EFCAB5: variants seen among roughly 807,000 people sequenced by gnomAD.
EFCAB5 encodes the protein EF-hand calcium-binding domain-containing protein 5.
A neutral mutation model predicts 167.9 loss-of-function variants in EFCAB5; 131 were observed. That is an observed-to-expected ratio of 0.78 (90% CI 0.68 to 0.90). EFCAB5 has a LOEUF of 0.90. EFCAB5 is among the 40% of genes least tolerant of loss of function. The pLI, the probability that EFCAB5 is intolerant of heterozygous loss-of-function variation, is 0.00. For synonymous variants in EFCAB5, 574 were observed against 602.8 expected (o/e 0.95, Z 0.70); for missense variants, 1,663 against 1,745.2 (o/e 0.95, Z 0.84).
chr17:29,969,246 G>A lies in EFCAB5; in HGVS notation c.646G>A (p.Glu216Lys). Residue 216 changes from glutamate to lysine, a missense_variant, in exon 4 of 23, where the codon GAA becomes AAA. By Grantham distance (56) the Glu-to-Lys change is moderately conservative. Transcript: ENST00000394835. Reference sequence around the variant, plus strand: ...GTTTGACCCAATTAATTATTTGGGGGAATATTTAATAAGAAACAATCCTAA... The same window carrying A: ...GTTTGACCCAATTAATTATTTGGGGAAATATTTAATAAGAAACAATCCTAA... ...SKFDPINYLG[E>K]YLIRNNPNYI... is the part of the protein sequence containing the mutation. 6.2e-7 allele frequency: 1 copy of A among 1,613,714 alleles called. No individual in the cohort carries two copies. Among genetic ancestry groups the A allele is most frequent in the Non-Finnish European group, 8.5e-7 (1 of 1,179,764 alleles).
At chr17:30,026,282 T>G (rs1405371760) in intron 7 of EFCAB5, among the ~76,000 whole-genome samples, 1 of 151,884 alleles carries the variant, frequency 6.6e-6, no homozygotes, top group African/African-American at 2.4e-5. Context: ...TTAACACTGG[T>G]GCCGAGTTCC....
intron 4 of EFCAB5, 115 bp downstream of exon 4, chr17:29,969,482 A>G (rs1239769696): frequency 1.0e-6 from 1 of 966,684 alleles, no homozygotes; most frequent in South Asian, 2.0e-5. Context: ...AGTTATTCAG[A>G]AAGTATTTAT....
At chr17:30,018,628 T>C (rs1000715480) in intron 7 of EFCAB5, among the ~76,000 whole-genome samples, 1 of 152,150 alleles carries the variant, frequency 6.6e-6, no homozygotes, top group Non-Finnish European at 1.5e-5. Context: ...ACTGTGATAA[T>C]CTAAACCTTT....
intron 14 of EFCAB5, chr17:30,074,763 A>T (rs2070834882): frequency 6.6e-6 from 1 of 152,092 alleles, no homozygotes; most frequent in Admixed American, 6.6e-5. Context: ...TGCATCCCTC[A>T]TTCTTTGAGC....
intron 22 of EFCAB5, among the ~76,000 whole-genome samples, chr17:30,102,104 G>C (rs969952359): frequency 1.3e-5 from 2 of 149,494 alleles, no homozygotes; most frequent in Non-Finnish European, 2.9e-5. Flanking sequence ...GCAGATGAGA[G>C]TGAGTGGGTA....
intron 19 of EFCAB5, among the ~76,000 whole-genome samples, 198 bp downstream of exon 19, chr17:30,087,364 A>T (rs1480943069): frequency 6.6e-6 from 1 of 152,164 alleles, no homozygotes; most frequent in Non-Finnish European, 1.5e-5. Context: ...AACTTGTGCC[A>T]TGGTGGTTTG....
rs1402876702 is a variant in EFCAB5 at position 29,996,361 on chromosome 17, G to A, written c.973+1G>A. 8 of 1,549,986 alleles carry A rather than the reference G, an allele frequency of 5.2e-6. No individual in the cohort carries two copies. In the African/African-American group the frequency reaches 8.2e-5, roughly 16 times the overall value. On this transcript the variant is annotated splice_donor_variant, in intron 6 of 22. Transcript: ENST00000394835. LOFTEE classifies it high-confidence loss of function. The stretch of plus-strand genomic sequence containing the variant: ...TTTCAAAATCCAGATTTCAAGCTTG[G>A]TAAGTCTGCCTATTACTCTGATATT...
At chr17:30,019,445 C>G (rs1322513246) in intron 7 of EFCAB5, among the ~76,000 whole-genome samples, 1 of 148,950 alleles carries the variant, frequency 6.7e-6, no homozygotes, top group East Asian at 1.9e-4. Context: ...CTCTCCCTCT[C>G]TCTTTTTTTT....
intron 4 of EFCAB5, among the ~76,000 whole-genome samples, chr17:29,982,295 G>T (rs1308358294): frequency 1.3e-5 from 2 of 152,118 alleles, no homozygotes; most frequent in Non-Finnish European, 2.9e-5. Flanking sequence ...TAGCCGGGAG[G>T]CTGAGGCAGA....
chr17:30,096,893 T>C (rs2071303097), intron 22 of EFCAB5, among the ~76,000 whole-genome samples: 1 of 148,388 alleles, frequency 6.7e-6, no homozygotes, highest in Admixed American at 6.7e-5. Flanking sequence ...TTGACCAGGC[T>C]GGTCTCGAAC....
At chr17:30,049,991 T>A (rs1044708473) in intron 8 of EFCAB5, among the ~76,000 whole-genome samples, 22 of 152,202 alleles carry the variant, frequency 1.4e-4, no homozygotes, top group Non-Finnish European at 2.6e-4. Flanking sequence ...AGTTTTTTTT[T>A]AATTATGGTG....
intron 3 of EFCAB5, among the ~76,000 whole-genome samples, chr17:29,964,804 C>G (rs571065238): frequency 4.0e-5 from 6 of 151,744 alleles, no homozygotes; most frequent in African/African-American, 1.4e-4. Context: ...TTGTTTATCT[C>G]TACTTTAACC....
intron 19 of EFCAB5, among the ~76,000 whole-genome samples, chr17:30,087,953 C>T (rs983707250): frequency 6.6e-6 from 1 of 152,166 alleles, no homozygotes; most frequent in African/African-American, 2.4e-5. Context: ...TTGCCAGCAT[C>T]TCTTGTTTTT....
chr17:30,107,797 T>G, intron 22 of EFCAB5, 37 bp from the exon 23 acceptor site: 1 of 1,431,458 alleles, frequency 7.0e-7, no homozygotes, highest in Non-Finnish European at 9.1e-7. Flanking sequence ...AGTGCAAAAC[T>G]CTCCACTCTT....
At chr17:29,944,617 G>GTTTTTTTTTTTT (rs1223652580) in intron 3 of EFCAB5, among the ~76,000 whole-genome samples, 1 of 139,462 alleles carries the variant, frequency 7.2e-6, no homozygotes, top group African/African-American at 2.7e-5. Context: ...GTTGTTTTCT[G>GTTTTTTTTTTTT]TTTTGTTTTG....
At chr17:30,105,218 G>T (rs2071432647) in intron 22 of EFCAB5, among the ~76,000 whole-genome samples, 1 of 152,018 alleles carries the variant, frequency 6.6e-6, no homozygotes, top group Non-Finnish European at 1.5e-5. Context: ...TGAATTGGCC[G>T]AGCGCGGTTG....
intron 13 of EFCAB5, among the ~76,000 whole-genome samples, chr17:30,058,425 C>A (rs1259277243): frequency 2.6e-5 from 4 of 152,074 alleles, no homozygotes; most frequent in Non-Finnish European, 1.5e-5. Context: ...TAATCATCAG[C>A]CTTATGAGTC....
At chr17:30,014,820 T>C (rs987854036) in intron 7 of EFCAB5, among the ~76,000 whole-genome samples, 1 of 152,200 alleles carries the variant, frequency 6.6e-6, no homozygotes, top group Non-Finnish European at 1.5e-5. Flanking sequence ...TATTGTTATG[T>C]GTGAATTTGA....
rs1269888160 is a variant in EFCAB5, at chr17:30,065,079, C to T, written c.2737+5378C>T. 2.0e-5 allele frequency among the ~76,000 whole-genome samples: 3 copies of T among 152,156 alleles called. No individual in the cohort carries two copies. In the East Asian group the frequency reaches 5.8e-4, roughly 29 times the overall value. On this transcript the variant is annotated intron_variant, in intron 14 of 22. Transcript: ENST00000394835. ...AGAAATGCTCAAGGGAGCCCTATAT[C>T]TGGAAGTGAAAATATGATAATCCCT...
Sources: allele counts gnomAD v4.1 joint callset (sites outside exome capture counted in the v4.1 genomes callset), GRCh38; gene constraint gnomAD v4.1.1; transcripts MANE v1.5; gene names NCBI Gene and HGNC (gene_info 2026-07-23, HGNC 2026-07-21).